The following FAM114A1 variants were observed in gnomAD, a reference collection of about 807,000 sequenced individuals.
FAM114A1 encodes family with sequence similarity 114 member A1.
Under a neutral mutation model 64.3 loss-of-function variants are expected in FAM114A1, and 62 were observed. That is an observed-to-expected ratio of 0.96 (90% CI 0.79 to 1.19). The LOEUF is 1.19. Ranked by LOEUF, FAM114A1 falls within the 50% of genes most tolerant of loss-of-function variation. The pLI is 0.00. For synonymous variants in FAM114A1, 254 were observed against 251.1 expected, an observed-to-expected ratio of 1.01 and a Z score of -0.11; for missense variants, 645 against 676.3, an observed-to-expected ratio of 0.95 and a Z score of 0.51.
At chr4:38,937,262 G>C (rs144492673) in intron 13 of FAM114A1, among the ~76,000 whole-genome samples, 171 of 152,298 alleles carry the variant, frequency 1.1e-3, no homozygotes, top group African/African-American at 3.9e-3. Context: ...ACATCTGAAA[G>C]CATGGTGGTA....
intron 3 of FAM114A1, among the ~76,000 whole-genome samples, chr4:38,886,363 G>A (rs1005412869): frequency 1.3e-4 from 19 of 151,484 alleles, no homozygotes; most frequent in African/African-American, 3.6e-4. Flanking sequence ...TAGAGACGGG[G>A]TTTCACCTTT....
Position 38,935,916 on chromosome 4 carries a change from A to G in FAM114A1, c.1536+126A>G. ...GAAGCTATGCCATGATGTAAGCTGAAGTCAGGCCAAGAGTAACTTCTCTAA... is the reference window on the plus strand; with the variant it reads ...GAAGCTATGCCATGATGTAAGCTGAGGTCAGGCCAAGAGTAACTTCTCTAA... On this transcript the variant is annotated intron_variant, in intron 13 of 14. Coordinates refer to ENST00000358869, the MANE Select transcript of FAM114A1 (RefSeq NM_138389.4). 3 of 692,482 alleles carry G rather than the reference A, an allele frequency of 4.3e-6. No individual in the cohort carries two copies. The South Asian group carries it at 5.7e-5, about 13-fold the overall frequency. The allele number at this position is 692,482 out of a possible 1,614,324, so 42.9% of individuals were successfully genotyped here.
At chr4:38,879,098 A>G (rs2109548396) in intron 3 of FAM114A1, among the ~76,000 whole-genome samples, 1 of 152,276 alleles carries the variant, frequency 6.6e-6, no homozygotes, top group South Asian at 2.1e-4. Context: ...CAAGAAGACT[A>G]TCCCAGCAGG....
intron 3 of FAM114A1, among the ~76,000 whole-genome samples, chr4:38,889,623 A>G (rs984262740): frequency 6.6e-6 from 1 of 152,152 alleles, no homozygotes; most frequent in Non-Finnish European, 1.5e-5. Context: ...TATAATGAGG[A>G]AATGAAGGCT....
intron 2 of FAM114A1, among the ~76,000 whole-genome samples, chr4:38,876,590 G>A (rs1714666383): frequency 6.6e-6 from 1 of 152,228 alleles, no homozygotes; most frequent in South Asian, 2.1e-4. Flanking sequence ...CCAAGTAAGA[G>A]CTCCAGGAAA....
rs751291220 is a variant in FAM114A1 at position 38,908,738 on chromosome 4, T to C, written c.792+12T>C. 6.5e-7 allele frequency: 1 copy of C among 1,548,124 alleles called. No homozygotes were observed. Among genetic ancestry groups the C allele is most frequent in the South Asian group, 1.2e-5 (1 of 80,528 alleles). On this transcript the variant is annotated intron_variant, in intron 7 of 14. Transcript: ENST00000358869. ...TTTCCTTGTCTCAGGTTGGATTATA[T>C]ACGTTTGCAATTTTTTCTTTCAGTC...
chr4:38,887,461 C>G (rs777406998), intron 3 of FAM114A1, among the ~76,000 whole-genome samples: 1 of 152,152 alleles, frequency 6.6e-6, no homozygotes, highest in Non-Finnish European at 1.5e-5. Context: ...CAAAACCTTG[C>G]TAAGTACTTA....
intron 14 of FAM114A1, among the ~76,000 whole-genome samples, chr4:38,942,976 G>A (rs935481796): frequency 2.6e-5 from 4 of 152,078 alleles, no homozygotes; most frequent in Non-Finnish European, 4.4e-5. Flanking sequence ...GGGCAGATAC[G>A]AAGTCAGAAG....
chr4:38,876,169 C>CT (rs1163508013), intron 2 of FAM114A1, among the ~76,000 whole-genome samples: 2,905 of 69,020 alleles, frequency 0.042, 84 homozygotes, highest in South Asian at 0.15. Context: ...ATTCTTTTTT[C>CT]TTTTTTTTTT....
intron 3 of FAM114A1, among the ~76,000 whole-genome samples, chr4:38,880,005 G>T (rs745512003): frequency 1.3e-5 from 2 of 151,838 alleles, no homozygotes; most frequent in Admixed American, 6.6e-5. Flanking sequence ...GGTCAAGGCT[G>T]CAGTGAGCCG....
chr4:38,903,724 G>A (rs535407602), intron 4 of FAM114A1, among the ~76,000 whole-genome samples: 3 of 152,120 alleles, frequency 2.0e-5, no homozygotes, highest in Non-Finnish European at 4.4e-5. Flanking sequence ...CTTAACAGTC[G>A]CAATACACCT....
chr4:38,878,166 G>A lies in FAM114A1; in HGVS notation c.88G>A (p.Ala30Thr). 1 of 1,614,236 alleles carries A rather than the reference G, an allele frequency of 6.2e-7. No individual in the cohort carries two copies. Among genetic ancestry groups the A allele is most frequent in the Non-Finnish European group, 8.5e-7 (1 of 1,180,036 alleles). ...MPNSDSLPEDAEVHCDSAAVS... is the reference protein window; with the variant it reads ...MPNSDSLPEDTEVHCDSAAVS... ...TAATAGTGATTCTTTACCTGAGGAT[G>A]CAGAAGTGCATTGTGATTCAGCTGC... Residue 30 changes from alanine (A) to threonine (T), a missense_variant, in exon 3 of 15, where the codon GCA becomes ACA. Physicochemically the swap from Ala to Thr is moderately conservative, Grantham distance 58. Transcript: ENST00000358869.
intron 4 of FAM114A1, among the ~76,000 whole-genome samples, chr4:38,895,708 T>G (rs754670668): frequency 1.3e-5 from 2 of 152,232 alleles, no homozygotes; most frequent in Non-Finnish European, 2.9e-5. Flanking sequence ...GATTTAATCA[T>G]TGTGCAAACC....
At chr4:38,926,735 C>T (rs192908024) in intron 9 of FAM114A1, among the ~76,000 whole-genome samples, 2 of 152,264 alleles carry the variant, frequency 1.3e-5, no homozygotes, top group East Asian at 3.9e-4. Context: ...GGATTACAGG[C>T]GTGAGCCACT....
intron 2 of FAM114A1, among the ~76,000 whole-genome samples, chr4:38,874,281 CA>C (rs1714389826): frequency 1.3e-5 from 2 of 152,168 alleles, no homozygotes; most frequent in Admixed American, 1.3e-4. Context: ...AGTAAGCACT[CA>C]ATAAATGATA....
chr4:38,906,677 G>A (rs1718040408), intron 6 of FAM114A1, among the ~76,000 whole-genome samples: 1 of 152,118 alleles, frequency 6.6e-6, no homozygotes, highest in African/African-American at 2.4e-5. Context: ...TGGGATTACA[G>A]GTGCCCACCA....
At chr4:38,932,519 C>T (rs918105306) in intron 12 of FAM114A1, 145 bp downstream of exon 12, 4 of 858,652 alleles carry the variant, frequency 4.7e-6, no homozygotes, top group South Asian at 2.0e-5. Context: ...TTTGTTGAGA[C>T]GGGATCTCAC....
chr4:38,935,335 C>T (rs994512320), intron 12 of FAM114A1, among the ~76,000 whole-genome samples: 57 of 152,182 alleles, frequency 3.7e-4, no homozygotes, highest in Non-Finnish European at 2.2e-4. Context: ...AACATAGTGC[C>T]TCAGTGAATG....
intron 3 of FAM114A1, among the ~76,000 whole-genome samples, chr4:38,880,813 T>C (rs559793676): frequency 1.3e-5 from 2 of 152,338 alleles, no homozygotes; most frequent in East Asian, 3.9e-4. Context: ...GCTCTACTAA[T>C]TCAAAATCCA....
Sources: gnomAD v4.1 joint callset for allele counts (sites outside exome capture counted in the v4.1 genomes callset) on GRCh38, gnomAD v4.1.1 for gene constraint, MANE v1.5 for transcripts, NCBI Gene and HGNC (gene_info 2026-07-23, HGNC 2026-07-21) for gene names.